The following PALM2AKAP2 variants were observed in gnomAD, a reference collection of about 807,000 sequenced individuals.
The protein encoded by PALM2AKAP2 is PALM2-AKAP2 fusion protein.
A neutral mutation model predicts 71.5 loss-of-function variants in PALM2AKAP2; 37 were observed. That is an observed-to-expected ratio of 0.52 (90% CI 0.40 to 0.68). The LOEUF (loss-of-function observed/expected upper bound fraction) is 0.68. Ranked by LOEUF, PALM2AKAP2 falls within the 30% of genes least tolerant of loss-of-function variation. PALM2AKAP2 has a pLI of 0.00. For missense variants in PALM2AKAP2, 1,224 were observed against 1,191.8 expected, an observed-to-expected ratio of 1.03 and a Z score of -0.40; for synonymous variants, 468 against 478.8, an observed-to-expected ratio of 0.98 and a Z score of 0.29.
intron 1 of PALM2AKAP2, among the ~76,000 whole-genome samples, chr9:109,831,366 G>A (rs112808703): frequency 1.4e-4 from 22 of 152,108 alleles, no homozygotes; most frequent in African/African-American, 5.3e-4. Context: ...TCACAGTTCT[G>A]GCACAGGGGA....
chr9:109,852,086 T>A (rs761932869), intron 1 of PALM2AKAP2, among the ~76,000 whole-genome samples: 151 of 150,616 alleles, frequency 1.0e-3, no homozygotes, highest in Non-Finnish European at 1.8e-3. Flanking sequence ...AAAAAAAAAA[T>A]AATTAAAGAA....
chr9:110,093,893 CTA>C, intron 1 of PALM2AKAP2, among the ~76,000 whole-genome samples: 1 of 152,350 alleles, frequency 6.6e-6, no homozygotes, highest in South Asian at 2.1e-4. Context: ...AATTCCTCTT[CTA>C]TACTCTCGTG....
chr9:109,947,231 C>T (rs1170371622), intron 6 of PALM2AKAP2, among the ~76,000 whole-genome samples: 1 of 152,188 alleles, frequency 6.6e-6, no homozygotes, highest in Non-Finnish European at 1.5e-5. Context: ...TTGCTTAAAA[C>T]GTCTACCTAT....
At chr9:109,947,969 G>A (rs1831549147) in intron 6 of PALM2AKAP2, among the ~76,000 whole-genome samples, 1 of 152,116 alleles carries the variant, frequency 6.6e-6, no homozygotes, top group Non-Finnish European at 1.5e-5. Context: ...AACATCCTTT[G>A]TTCTATTGGA....
Position 109,795,884 on chromosome 9 carries a change from T to C in PALM2AKAP2, c.45+15351T>C, listed in dbSNP as rs561523538. 8.0e-4 allele frequency among the ~76,000 whole-genome samples: 122 copies of C among 152,270 alleles called. 1 individual carries two copies. The highest frequency in any genetic ancestry group is 2.7e-3 in the African/African-American group (112 of 41,552). On this transcript the variant is annotated intron_variant, in intron 1 of 9. Coordinates refer to the PALM2AKAP2 transcript ENST00000302798. ...AGGGCACCTTTTCTAGATCACAGAG[T>C]GCCATATGGGCGAGCAGAGGTGCTG... is the stretch of plus-strand genomic sequence containing the variant.
intron 1 of PALM2AKAP2, among the ~76,000 whole-genome samples, chr9:109,717,415 G>A (rs1420108061): frequency 6.6e-6 from 1 of 152,140 alleles, no homozygotes. Context: ...GAAGCTAGAG[G>A]AACAGCTCCC....
intron 6 of PALM2AKAP2, among the ~76,000 whole-genome samples, chr9:109,938,809 G>A (rs1396765188): frequency 2.0e-5 from 3 of 152,062 alleles, no homozygotes; most frequent in African/African-American, 7.2e-5. Context: ...AGGGTGGATC[G>A]CTTGAGGTCA....
chr9:110,104,836 C>T (rs1835077476), intron 1 of PALM2AKAP2, among the ~76,000 whole-genome samples: 3 of 152,206 alleles, frequency 2.0e-5, no homozygotes, highest in Admixed American at 6.5e-5. Flanking sequence ...CATAAAGCTG[C>T]TGAAGTCTTC....
intron 1 of PALM2AKAP2, 36 bp downstream of exon 1, chr9:109,780,569 G>A (rs1829426640): frequency 6.2e-7 from 1 of 1,613,020 alleles, no homozygotes; most frequent in Non-Finnish European, 8.5e-7. Flanking sequence ...TTGCTCTATT[G>A]TCTGGGGTGG....
At chr9:110,013,560 G>T (rs1171733459) in intron 6 of PALM2AKAP2, among the ~76,000 whole-genome samples, 1 of 152,192 alleles carries the variant, frequency 6.6e-6, no homozygotes, top group African/African-American at 2.4e-5. Flanking sequence ...TCTCCTTGCA[G>T]CAATTCCTTG....
intron 1 of PALM2AKAP2, among the ~76,000 whole-genome samples, chr9:109,782,264 C>T (rs1309084825): frequency 2.0e-5 from 3 of 152,174 alleles, no homozygotes; most frequent in Non-Finnish European, 2.9e-5. Context: ...TATAAGAATA[C>T]ACACAAATAC....
At chr9:109,710,705 C>G (rs948526232) in intron 1 of PALM2AKAP2, among the ~76,000 whole-genome samples, 1 of 152,068 alleles carries the variant, frequency 6.6e-6, no homozygotes, top group Non-Finnish European at 1.5e-5. Context: ...TTTCCTGTCC[C>G]CTCCTCTCCT....
intron 7 of PALM2AKAP2, among the ~76,000 whole-genome samples, chr9:110,016,867 G>A (rs1345427476): frequency 3.9e-5 from 6 of 152,048 alleles, no homozygotes; most frequent in Non-Finnish European, 7.4e-5. Flanking sequence ...ATTTTATATA[G>A]AGCTGTAACT....
intron 1 of PALM2AKAP2, among the ~76,000 whole-genome samples, chr9:109,765,110 G>A (rs180946829): frequency 2.6e-5 from 4 of 152,128 alleles, no homozygotes; most frequent in African/African-American, 7.2e-5. Context: ...TGGATAAAAC[G>A]TGGTTCTCAC....
chr9:109,840,745 C>CAT lies in PALM2AKAP2; in HGVS notation c.46-26745_46-26744insTA. 3.3e-5 allele frequency among the ~76,000 whole-genome samples: 5 copies of CAT among 152,308 alleles called. No individual in the cohort carries two copies. In the East Asian group the frequency reaches 9.6e-4, roughly 29 times the overall value. On this transcript the variant is annotated intron_variant, in intron 1 of 9. Transcript: ENST00000302798. ...CACTTCTCAAAAGAAGACATTTATG[C>CAT]AGCCAAAAGACACATGAAAAAATGC...
At chr9:109,788,040 T>G (rs1466846240) in intron 1 of PALM2AKAP2, among the ~76,000 whole-genome samples, 3 of 152,228 alleles carry the variant, frequency 2.0e-5, no homozygotes, top group Non-Finnish European at 4.4e-5. Flanking sequence ...ATGGTGCTTA[T>G]TTGCGATATC....
At chr9:110,053,347 GA>G (rs1380411561) in intron 1 of PALM2AKAP2, among the ~76,000 whole-genome samples, 18 of 152,082 alleles carry the variant, frequency 1.2e-4, no homozygotes, top group African/African-American at 3.4e-4. Context: ...CCAACATGGT[GA>G]AACCCTGCCT....
intron 1 of PALM2AKAP2, among the ~76,000 whole-genome samples, chr9:109,654,254 C>A (rs1008223319): frequency 6.6e-6 from 1 of 152,118 alleles, no homozygotes; most frequent in East Asian, 1.9e-4. Context: ...CCAAGAAGCT[C>A]GTGGTATTCC....
chr9:109,882,644 GTTTC>G (rs1244399876), intron 3 of PALM2AKAP2, among the ~76,000 whole-genome samples: 1 of 151,548 alleles, frequency 6.6e-6, no homozygotes, highest in African/African-American at 2.4e-5. Context: ...TTTTCTTTTT[GTTTC>G]TTTTTTTTTT....
Sources: allele counts gnomAD v4.1 joint callset (sites outside exome capture counted in the v4.1 genomes callset), GRCh38; gene constraint gnomAD v4.1.1; transcripts MANE v1.5; gene names NCBI Gene and HGNC (gene_info 2026-07-23, HGNC 2026-07-21).